Variants in AGBL4 observed in about 807,000 individuals in gnomAD.
The protein encoded by AGBL4 is cytosolic carboxypeptidase 6.
A neutral mutation model predicts 66.4 loss-of-function variants in AGBL4; 58 were observed. The ratio of observed to expected loss-of-function variants is 0.87; its 90% confidence interval spans 0.71 to 1.09. The LOEUF (loss-of-function observed/expected upper bound fraction) is 1.09, where lower values mean the gene tolerates loss of function less well. AGBL4 is among the 50% of genes least tolerant of loss of function. The pLI, the probability that AGBL4 is intolerant of heterozygous loss-of-function variation, is 0.00. For missense variants in AGBL4, 579 were observed against 631.0 expected (o/e 0.92, Z 0.88); for synonymous variants, 234 against 222.9 (o/e 1.05, Z -0.44).
chr1:49,244,527 CA>C (rs1053729377), intron 4 of AGBL4, among the ~76,000 whole-genome samples: 1 of 151,650 alleles, frequency 6.6e-6, no homozygotes. Context: ...CTTCTCAGCC[CA>C]ACATTAATAG....
chr1:48,839,652 G>C (rs1372562041), intron 6 of AGBL4, among the ~76,000 whole-genome samples: 1 of 152,114 alleles, frequency 6.6e-6, no homozygotes, highest in Non-Finnish European at 1.5e-5. Context: ...TGAATTAGGA[G>C]GTTGGTTGAA....
intron 3 of AGBL4, among the ~76,000 whole-genome samples, chr1:49,476,889 C>A (rs1646857617): frequency 6.6e-6 from 1 of 151,956 alleles, no homozygotes; most frequent in South Asian, 2.1e-4. Flanking sequence ...GACTGAAGAG[C>A]CCTTGGGCCT....
At chr1:48,586,215 C>T (rs1467867267) in intron 11 of AGBL4, 1 of 152,170 alleles carries the variant, frequency 6.6e-6, no homozygotes, top group Non-Finnish European at 1.5e-5. Flanking sequence ...TAGAAAATAA[C>T]TTCTAATTTC....
chr1:49,457,132 T>C (rs1446404449), intron 3 of AGBL4, among the ~76,000 whole-genome samples: 1 of 151,748 alleles, frequency 6.6e-6, no homozygotes, highest in Non-Finnish European at 1.5e-5. Context: ...TACTTTTAGT[T>C]CTTTAAGGTC....
chr1:49,853,840 T>A lies in AGBL4; in HGVS notation c.35-2322A>T, dbSNP rs538676996. 2.0e-5 allele frequency among the ~76,000 whole-genome samples: 3 copies of A among 152,098 alleles called. No homozygotes were observed. In the East Asian group the frequency reaches 5.8e-4, roughly 29 times the overall value. Reference sequence around the variant, plus strand: ...ATTTTATACCAACTGAAAATATCTTTCAAAGATGAAGTACAAACTAAAGGT... The same window carrying A: ...ATTTTATACCAACTGAAAATATCTTACAAAGATGAAGTACAAACTAAAGGT... On this transcript the variant is annotated intron_variant, in intron 1 of 13. Transcript: ENST00000371839.
rs12067582 is a variant in AGBL4, at chr1:49,164,051, A to T, written c.377+81719T>A. 3.3e-3 allele frequency among the ~76,000 whole-genome samples: 495 copies of T among 152,274 alleles called. 8 individuals are homozygous for T. The highest frequency in any genetic ancestry group is 0.011 in the African/African-American group (450 of 41,568). ...TGAAAGAGTGAAGAATTTATTGTGA[A>T]TTTTATAGGTTGTGTGCATAGTATA... is the stretch of plus-strand genomic sequence containing the variant. On this transcript the variant is annotated intron_variant, in intron 4 of 13. Coordinates refer to ENST00000371839, the MANE Select transcript of AGBL4 (RefSeq NM_032785.4).
At chr1:49,946,373 G>C (rs1234339426) in intron 1 of AGBL4, among the ~76,000 whole-genome samples, 2 of 151,910 alleles carry the variant, frequency 1.3e-5, no homozygotes, top group Non-Finnish European at 2.9e-5. Context: ...TCAGACCATA[G>C]TGGAATAAAA....
chr1:49,749,260 G>A (rs1651255957), intron 2 of AGBL4, among the ~76,000 whole-genome samples: 1 of 152,046 alleles, frequency 6.6e-6, no homozygotes, highest in Admixed American at 6.6e-5. Context: ...TTTTAAATAG[G>A]GAATCCTTTC....
At chr1:49,609,277 T>C (rs1645112779) in intron 3 of AGBL4, among the ~76,000 whole-genome samples, 1 of 152,176 alleles carries the variant, frequency 6.6e-6, no homozygotes, top group Non-Finnish European at 1.5e-5. Flanking sequence ...ATAATTATTG[T>C]TTTTATCATT....
At chr1:49,530,197 C>T (rs1650986209) in intron 3 of AGBL4, among the ~76,000 whole-genome samples, 1 of 134,760 alleles carries the variant, frequency 7.4e-6, no homozygotes, top group African/African-American at 2.8e-5. Context: ...TTTTCCCTTA[C>T]ATTTGGATTT....
rs954794321 is a variant in AGBL4 at position 48,758,117 on chromosome 1, A to G, written c.635-94876T>C. On this transcript the variant is annotated intron_variant, in intron 6 of 13. Coordinates refer to ENST00000371839, the MANE Select transcript of AGBL4 (RefSeq NM_032785.4). Reference sequence around the variant, plus strand: ...CTGATTAGTTAAAATAGGGTGCAATATAAGAACCTATTAAGTTCTATGAGC... The same window carrying G: ...CTGATTAGTTAAAATAGGGTGCAATGTAAGAACCTATTAAGTTCTATGAGC... Among the ~76,000 whole-genome samples the G allele has an allele frequency of 2.6e-5, 4 of 152,230 alleles. No individual in the cohort carries two copies. The South Asian group carries it at 6.2e-4, about 24-fold the overall frequency.
intron 4 of AGBL4, among the ~76,000 whole-genome samples, chr1:49,225,687 T>C (rs1649858473): frequency 1.3e-5 from 2 of 152,200 alleles, no homozygotes; most frequent in Non-Finnish European, 2.9e-5. Flanking sequence ...GTAGGCAAAC[T>C]CTGGTGTGGG....
intron 5 of AGBL4, among the ~76,000 whole-genome samples, chr1:48,947,770 T>C (rs1444019993): frequency 6.6e-6 from 1 of 152,186 alleles, no homozygotes; most frequent in African/African-American, 2.4e-5. Flanking sequence ...TGAGGGCTGA[T>C]AGAGAAACAA....
intron 6 of AGBL4, among the ~76,000 whole-genome samples, chr1:48,671,156 G>A (rs1428373403): frequency 1.3e-5 from 2 of 152,252 alleles, no homozygotes; most frequent in Non-Finnish European, 2.9e-5. Flanking sequence ...GGGAACTGAG[G>A]ACTCAATCCT....
chr1:49,275,756 AT>A (rs1280100628), intron 3 of AGBL4, among the ~76,000 whole-genome samples: 8 of 152,024 alleles, frequency 5.3e-5, no homozygotes, highest in Admixed American at 5.2e-4. Flanking sequence ...TCTCCAAACA[AT>A]TTTTTTCAAG....
In AGBL4 at chr1:49,207,602, C is replaced by CT. The variant is rs757148627; in HGVS notation, c.377+38167dup. On this transcript the variant is annotated intron_variant, in intron 4 of 13. Transcript: ENST00000371839. Reference sequence around the variant, plus strand: ...TCTTTCTTTCTTTCTTTCTTTCTTTCTTCTTTTTATTTTCAAGGTCTCATT... The same window carrying CT: ...TCTTTCTTTCTTTCTTTCTTTCTTTCTTTCTTTTTATTTTCAAGGTCTCATT... Among the ~76,000 whole-genome samples, 283 of 83,322 alleles carry CT rather than the reference C, an allele frequency of 3.4e-3. 1 individual carries two copies. Among genetic ancestry groups the CT allele is most frequent in the Non-Finnish European group, 4.5e-3 (182 of 40,246 alleles). 54.7% of individuals were successfully genotyped at this position (83,322 alleles called of 152,430 possible).
intron 3 of AGBL4, among the ~76,000 whole-genome samples, chr1:49,540,620 T>C (rs1019856517): frequency 2.0e-5 from 3 of 152,200 alleles, no homozygotes; most frequent in African/African-American, 7.2e-5. Context: ...TATATGGCAA[T>C]AAAAAGAGAC....
At chr1:48,731,246 C>A (rs1477909350) in intron 6 of AGBL4, among the ~76,000 whole-genome samples, 3 of 151,676 alleles carry the variant, frequency 2.0e-5, no homozygotes, top group Admixed American at 1.3e-4. Flanking sequence ...GGATAGGAGA[C>A]AGATGTCAAA....
At chr1:48,750,545 A>G (rs1471985203) in intron 6 of AGBL4, among the ~76,000 whole-genome samples, 1 of 152,140 alleles carries the variant, frequency 6.6e-6, no homozygotes, top group Non-Finnish European at 1.5e-5. Context: ...GACCAAAGTA[A>G]AGCTCACCCT....
Sources: gnomAD v4.1 joint callset for allele counts (sites outside exome capture counted in the v4.1 genomes callset) on GRCh38, gnomAD v4.1.1 for gene constraint, MANE v1.5 for transcripts, NCBI Gene and HGNC (gene_info 2026-07-23, HGNC 2026-07-21) for gene names.